The following ARHGAP42 variants were observed in gnomAD, a reference collection of about 807,000 sequenced individuals.
ARHGAP42 encodes Rho GTPase activating protein 42.
ARHGAP42 carries 63 observed loss-of-function variants against 125.0 expected under a neutral mutation model. The observed-to-expected ratio is 0.50, with a 90% CI of 0.41 to 0.62. The LOEUF is 0.62. Ranked by LOEUF, ARHGAP42 falls within the 20% of genes least tolerant of loss-of-function variation. The probability of loss-of-function intolerance (pLI) is 0.00; values close to 1 mark genes in which losing one functional copy is unlikely to be tolerated. For missense variants in ARHGAP42, 766 were observed against 1,024.2 expected (o/e 0.75, Z 3.44); for synonymous variants, 339 against 351.0 (o/e 0.97, Z 0.38).
intron 3 of ARHGAP42, among the ~76,000 whole-genome samples, chr11:100,843,592 G>T (rs1379714876): frequency 1.3e-5 from 2 of 152,140 alleles, no homozygotes; most frequent in South Asian, 2.1e-4. Context: ...ACTGATAAAA[G>T]AATTCAGCAA....
chr11:100,725,823 T>A (rs906620637), intron 1 of ARHGAP42, among the ~76,000 whole-genome samples: 161 of 150,862 alleles, frequency 1.1e-3, no homozygotes, highest in African/African-American at 3.7e-3. Context: ...TAGTCCCAGC[T>A]ACTCAGGAGG....
intron 1 of ARHGAP42, among the ~76,000 whole-genome samples, chr11:100,766,222 G>GGGGT (rs1554993827): frequency 4.0e-5 from 6 of 149,186 alleles, no homozygotes; most frequent in South Asian, 4.3e-4. Context: ...AAGGATGTGG[G>GGGGT]GTGTGTGTGT....
chr11:100,729,923 G>A, intron 1 of ARHGAP42, among the ~76,000 whole-genome samples: 1 of 150,006 alleles, frequency 6.7e-6, no homozygotes, highest in East Asian at 2.0e-4. Context: ...CGATTCTCCT[G>A]CCTCAGCCTC....
intron 6 of ARHGAP42, among the ~76,000 whole-genome samples, chr11:100,922,197 A>G (rs1454178935): frequency 6.6e-6 from 1 of 152,072 alleles, no homozygotes; most frequent in Non-Finnish European, 1.5e-5. Context: ...AGGGAAAACC[A>G]ACGGCTCTGT....
Position 100,976,874 on chromosome 11 carries a change from C to T in ARHGAP42, c.2296C>T (p.Pro766Ser). The T allele has an allele frequency of 6.4e-7, 1 of 1,551,546 alleles. No individual in the cohort carries two copies. The part of the protein sequence containing the change: ...SLTSVGSKET[P>S]KASPNPDLPP... Reference sequence around the variant, plus strand: ...AACTTCTGTAGGTTCCAAGGAGACACCCAAAGCTTCACCAAACCCAGACCT... The same window carrying T: ...AACTTCTGTAGGTTCCAAGGAGACATCCAAAGCTTCACCAAACCCAGACCT... The change falls in exon 21 of 24, where the codon CCC (proline) becomes TCC (serine). Residue 766 changes from proline to serine, a missense_variant. Pro to Ser is a moderately conservative substitution (Grantham distance 74, BLOSUM62 -1). Around this residue, in one of 3 missense-constraint regions of ARHGAP42, gnomAD observed 308 missense variants for 369.7 expected, o/e 0.83. Transcript: ENST00000298815.
At chr11:100,902,884 T>C (rs750305539) in intron 4 of ARHGAP42, among the ~76,000 whole-genome samples, 1 of 152,066 alleles carries the variant, frequency 6.6e-6, no homozygotes, top group Non-Finnish European at 1.5e-5. Context: ...TGGGGTGAAT[T>C]TTGATCAATT....
At chr11:100,814,692 A>G (rs961847411) in intron 3 of ARHGAP42, among the ~76,000 whole-genome samples, 1 of 152,146 alleles carries the variant, frequency 6.6e-6, no homozygotes, top group Non-Finnish European at 1.5e-5. Flanking sequence ...GAGGGGCTAC[A>G]AACTTTTTAA....
At chr11:100,726,991 G>T (rs960957658) in intron 1 of ARHGAP42, among the ~76,000 whole-genome samples, 8 of 152,190 alleles carry the variant, frequency 5.3e-5, no homozygotes, top group African/African-American at 1.9e-4. Flanking sequence ...TTTTTAGATT[G>T]AGGGGAATGA....
At chr11:100,860,622 C>G (rs1228517949) in intron 4 of ARHGAP42, among the ~76,000 whole-genome samples, 1 of 152,048 alleles carries the variant, frequency 6.6e-6, no homozygotes, top group East Asian at 1.9e-4. Flanking sequence ...ATACTTCTTA[C>G]CCTTTACTTT....
chr11:100,874,981 A>C (rs1417514346), intron 4 of ARHGAP42, among the ~76,000 whole-genome samples: 1 of 151,888 alleles, frequency 6.6e-6, no homozygotes, highest in Non-Finnish European at 1.5e-5. Flanking sequence ...CCTGCAGTTA[A>C]GGGTGATTTT....
At chr11:100,955,690 G>T (rs1461880183) in intron 12 of ARHGAP42, among the ~76,000 whole-genome samples, 1 of 152,234 alleles carries the variant, frequency 6.6e-6, no homozygotes, top group African/African-American at 2.4e-5. Context: ...GAAGTACCTT[G>T]TCCTCCACTG....
intron 1 of ARHGAP42, among the ~76,000 whole-genome samples, chr11:100,692,661 C>T (rs1477335854): frequency 6.6e-6 from 1 of 152,112 alleles, no homozygotes; most frequent in Non-Finnish European, 1.5e-5. Flanking sequence ...ATGAAGATGG[C>T]ACCGATTATG....
intron 1 of ARHGAP42, among the ~76,000 whole-genome samples, chr11:100,722,919 G>A (rs1412045956): frequency 6.6e-6 from 1 of 152,122 alleles, no homozygotes; most frequent in Non-Finnish European, 1.5e-5. Flanking sequence ...CTTGTTAGGA[G>A]TATTATGGTT....
chr11:100,726,369 G>A (rs1861861910), intron 1 of ARHGAP42, among the ~76,000 whole-genome samples: 1 of 152,122 alleles, frequency 6.6e-6, no homozygotes, highest in Non-Finnish European at 1.5e-5. Flanking sequence ...GATAATGGAA[G>A]TAAAGTAATT....
intron 1 of ARHGAP42, among the ~76,000 whole-genome samples, chr11:100,751,312 T>TTTCCAG (rs1730445249): frequency 6.9e-6 from 1 of 144,032 alleles, no homozygotes; most frequent in Non-Finnish European, 1.5e-5. Context: ...AAGGGAGCCT[T>TTTCCAG]GCTCTGTTTC....
At chr11:100,847,519 G>A (rs975367420) in intron 3 of ARHGAP42, among the ~76,000 whole-genome samples, 10 of 152,118 alleles carry the variant, frequency 6.6e-5, no homozygotes, top group Non-Finnish European at 8.8e-5. Flanking sequence ...GATGATAAAC[G>A]CTGGGGAGTG....
intron 2 of ARHGAP42, among the ~76,000 whole-genome samples, chr11:100,771,767 T>G (rs930886073): frequency 6.6e-6 from 1 of 151,806 alleles, no homozygotes; most frequent in Non-Finnish European, 1.5e-5. Flanking sequence ...CCTGGCTAAT[T>G]TTTTTTTGTA....
chr11:100,880,712 A>G (rs908559808), intron 4 of ARHGAP42, among the ~76,000 whole-genome samples: 1 of 152,240 alleles, frequency 6.6e-6, no homozygotes, highest in African/African-American at 2.4e-5. Flanking sequence ...ACATCCCACC[A>G]GCAGTGTAGA....
intron 1 of ARHGAP42, among the ~76,000 whole-genome samples, chr11:100,690,649 T>G (rs151184227): frequency 0.056 from 8,560 of 152,228 alleles, 363 homozygotes; most frequent in East Asian, 0.21. Context: ...CAGGCTGGAG[T>G]GCAGTGGTGC....
Sources: allele counts gnomAD v4.1 joint callset (sites outside exome capture counted in the v4.1 genomes callset), GRCh38; gene constraint gnomAD v4.1.1; regional missense constraint gnomAD v4.1.1; transcripts MANE v1.5; gene names NCBI Gene and HGNC (gene_info 2026-07-23, HGNC 2026-07-21).